ZBTB7C: variants seen among roughly 807,000 people sequenced by gnomAD.
ZBTB7C encodes the protein zinc finger and BTB domain-containing protein 7C.
Under a neutral mutation model 25.7 loss-of-function variants are expected in ZBTB7C, and 8 were observed. The ratio of observed to expected loss-of-function variants is 0.31; its 90% CI spans 0.18 to 0.56. ZBTB7C has a LOEUF of 0.56. Among genes scored for constraint, ZBTB7C ranks in the 20% least tolerant of loss-of-function variants. ZBTB7C has a pLI of 0.91. For missense variants in ZBTB7C, 824 were observed against 855.2 expected, an observed-to-expected ratio of 0.96 and a Z score of 0.46; for synonymous variants, 394 against 369.0, an observed-to-expected ratio of 1.07 and a Z score of -0.78.
Position 48,027,115 on chromosome 18 carries a change from A to AG in ZBTB7C, c.*2144_*2145insC, listed in dbSNP as rs2035549931. 1 of 151,616 alleles carries AG rather than the reference A, an allele frequency of 6.6e-6. No individual in the cohort carries two copies. Among genetic ancestry groups the AG allele is most frequent in the Non-Finnish European group, 1.5e-5 (1 of 67,908 alleles). The allele number at this position is 151,616 out of a possible 1,614,324, so 9.4% of individuals were successfully genotyped here. On this transcript the variant is annotated 3_prime_UTR_variant, in exon 5 of 5. Coordinates refer to ENST00000590800, the MANE Select transcript of ZBTB7C (RefSeq NM_001318841.2). ...CAGGGAAATTGAAACATCAAAAAAA[A>AG]AAAAAAATTGAAGCAAAACAAAAAC...
intron 2 of ZBTB7C, among the ~76,000 whole-genome samples, chr18:48,195,995 T>A (rs976151385): frequency 6.6e-6 from 1 of 152,222 alleles, no homozygotes. Context: ...CAGGAAAGCA[T>A]TTGGCTCAGC....
At chr18:48,324,903 C>T (rs1402842360) in intron 2 of ZBTB7C, among the ~76,000 whole-genome samples, 1 of 152,074 alleles carries the variant, frequency 6.6e-6, no homozygotes, top group Non-Finnish European at 1.5e-5. Context: ...AGTCCAGAGG[C>T]ATTAACACAC....
chr18:48,269,829 G>A (rs1285054733), intron 2 of ZBTB7C, among the ~76,000 whole-genome samples: 1 of 152,148 alleles, frequency 6.6e-6, no homozygotes, highest in Non-Finnish European at 1.5e-5. Context: ...ATTTCCTTCT[G>A]AGCCTCTTTG....
chr18:48,043,570 G>C (rs1020205112), intron 3 of ZBTB7C, among the ~76,000 whole-genome samples: 1 of 152,226 alleles, frequency 6.6e-6, no homozygotes, highest in Non-Finnish European at 1.5e-5. Flanking sequence ...AGGGTTGCCA[G>C]GGACTAAGGA....
At chr18:48,030,553 C>T (rs529758595) in intron 4 of ZBTB7C, among the ~76,000 whole-genome samples, 5 of 152,228 alleles carry the variant, frequency 3.3e-5, no homozygotes, top group South Asian at 2.1e-4. Context: ...GAGCCAGGTG[C>T]GAAAAGAATG....
intron 1 of ZBTB7C, among the ~76,000 whole-genome samples, chr18:48,379,428 C>T (rs1159336821): frequency 2.0e-5 from 3 of 152,150 alleles, no homozygotes; most frequent in Admixed American, 6.5e-5. Context: ...TAGATAAAAT[C>T]AGGAAGAACC....
chr18:48,247,399 G>T (rs1599183055), intron 2 of ZBTB7C, among the ~76,000 whole-genome samples: 1 of 152,310 alleles, frequency 6.6e-6, no homozygotes, highest in South Asian at 2.1e-4. Context: ...TATATGATGT[G>T]ATTACATACC....
intron 4 of ZBTB7C, among the ~76,000 whole-genome samples, chr18:48,033,149 A>C (rs547972559): frequency 1.3e-5 from 2 of 152,286 alleles, no homozygotes; most frequent in East Asian, 3.9e-4. Context: ...ATCACTTCCC[A>C]TTGTCCAGGG....
chr18:48,389,521 A>G (rs142534062), intron 1 of ZBTB7C, among the ~76,000 whole-genome samples: 2,354 of 140,022 alleles, frequency 0.017, 65 homozygotes, highest in African/African-American at 0.06. Context: ...AAATATGTAT[A>G]AGCACTTGGC....
rs762044533 is a variant in ZBTB7C, at chr18:48,029,688, G to A, written c.1432C>T (p.Arg478Ter). ...CACGCAGCAGGCTTGCGGCCGCGTC[G>A]GGGCCGTGCCATGCGGCAGCTCTGG... The part of the protein sequence containing the change: ...KRQSCRMARP[R>*]RGRKPAAWRA... The change falls in exon 5 of 5, where the codon CGA becomes TGA. Residue 478 changes from arginine (R) to a stop codon, truncating the protein, a stop_gained. Coordinates refer to ENST00000590800, the MANE Select transcript of ZBTB7C (RefSeq NM_001318841.2). LOFTEE classifies it low-confidence loss of function (END_TRUNC). The A allele has an allele frequency of 6.3e-6, 10 of 1,592,556 alleles. 1 individual carries two copies. The highest frequency in any genetic ancestry group is 4.5e-5 in the East Asian group (2 of 44,000).
intron 1 of ZBTB7C, among the ~76,000 whole-genome samples, chr18:48,339,397 G>A (rs1467712026): frequency 6.6e-6 from 1 of 152,246 alleles, no homozygotes; most frequent in Non-Finnish European, 1.5e-5. Context: ...AGGAGTGAGA[G>A]TGGCAAAAGA....
chr18:48,210,332 C>T (rs1223371395), intron 2 of ZBTB7C, among the ~76,000 whole-genome samples: 1 of 152,164 alleles, frequency 6.6e-6, no homozygotes, highest in African/African-American at 2.4e-5. Flanking sequence ...TACCCCAAAG[C>T]ATATATCCAC....
chr18:48,362,241 A>T (rs2047123052), intron 1 of ZBTB7C, among the ~76,000 whole-genome samples: 1 of 152,196 alleles, frequency 6.6e-6, no homozygotes, highest in Non-Finnish European at 1.5e-5. Flanking sequence ...CAGTGAGCTG[A>T]CAGTCCCTTT....
intron 3 of ZBTB7C, among the ~76,000 whole-genome samples, chr18:48,121,214 G>T (rs2039617988): frequency 1.3e-5 from 2 of 152,190 alleles, no homozygotes; most frequent in South Asian, 4.1e-4. Context: ...AGGGGAGGAA[G>T]AGGAGGTGGA....
intron 2 of ZBTB7C, among the ~76,000 whole-genome samples, chr18:48,261,609 C>T (rs1464803808): frequency 6.6e-6 from 1 of 152,154 alleles, no homozygotes; most frequent in Non-Finnish European, 1.5e-5. Flanking sequence ...GATGCCCACC[C>T]AACAGCTCTG....
chr18:48,206,908 T>A (rs1176228437), intron 2 of ZBTB7C, among the ~76,000 whole-genome samples: 1 of 151,866 alleles, frequency 6.6e-6, no homozygotes, highest in Non-Finnish European at 1.5e-5. Context: ...AAAAACACCA[T>A]TAAAAGAGTA....
intron 1 of ZBTB7C, among the ~76,000 whole-genome samples, chr18:48,402,081 A>G (rs920077939): frequency 1.3e-5 from 2 of 152,090 alleles, no homozygotes; most frequent in Non-Finnish European, 2.9e-5. Flanking sequence ...TGGGCAAAAT[A>G]GTTTCTGAGT....
chr18:48,333,196 A>C (rs1415520253), intron 2 of ZBTB7C, among the ~76,000 whole-genome samples: 1 of 152,220 alleles, frequency 6.6e-6, no homozygotes. Context: ...ACTCATATGA[A>C]GGTTGTCAGT....
intron 3 of ZBTB7C, among the ~76,000 whole-genome samples, chr18:48,097,472 C>T (rs1035350811): frequency 6.6e-6 from 1 of 152,020 alleles, no homozygotes; most frequent in Admixed American, 6.6e-5. Flanking sequence ...TCTCGGTTCA[C>T]TGCAACCTCT....
Sources: allele counts gnomAD v4.1 joint callset (sites outside exome capture counted in the v4.1 genomes callset), GRCh38; gene constraint gnomAD v4.1.1; transcripts MANE v1.5; gene names NCBI Gene and HGNC (gene_info 2026-07-23, HGNC 2026-07-21).